The following SLC16A7 variants were observed in gnomAD, a reference collection of about 807,000 sequenced individuals.
SLC16A7 encodes solute carrier family 16 member 7.
Under a neutral mutation model 34.9 loss-of-function variants are expected in SLC16A7, and 33 were observed. The ratio of observed to expected loss-of-function variants is 0.94; its 90% CI spans 0.72 to 1.26. SLC16A7 has a LOEUF of 1.26. Ranked by LOEUF, SLC16A7 falls within the 50% of genes most tolerant of loss-of-function variation. SLC16A7 has a pLI of 0.00. For synonymous variants in SLC16A7, 201 were observed against 206.6 expected, an observed-to-expected ratio of 0.97 and a Z score of 0.23; for missense variants, 573 against 578.1, an observed-to-expected ratio of 0.99 and a Z score of 0.09.
chr12:59,775,527 T>G (rs1457493419), intron 5 of SLC16A7, 52 bp downstream of exon 5: 1 of 1,320,432 alleles, frequency 7.6e-7, no homozygotes, highest in African/African-American at 1.5e-5. Context: ...TAATATCCAT[T>G]AACGGAGACT....
intron 2 of SLC16A7, among the ~76,000 whole-genome samples, chr12:59,704,228 A>G (rs1873268562): frequency 6.6e-6 from 1 of 150,988 alleles, no homozygotes; most frequent in Non-Finnish European, 1.5e-5. Flanking sequence ...AGAAAAAGAA[A>G]AAAAAAAGAA....
chr12:59,717,242 A>G lies in SLC16A7; in HGVS notation c.217+12224A>G, dbSNP rs1449346308. 2.0e-5 allele frequency among the ~76,000 whole-genome samples: 3 copies of G among 152,196 alleles called. No individual in the cohort carries two copies. In the East Asian group the frequency reaches 5.8e-4, roughly 29 times the overall value. On this transcript the variant is annotated intron_variant, in intron 3 of 5. Transcript: ENST00000547379. ...TTGTTATGTGGGACAAATTTTCCCC[A>G]CTTCCATCAGAAATATGCAAAGGGT...
chr12:59,668,856 G>A (rs1390196656), intron 2 of SLC16A7, among the ~76,000 whole-genome samples: 2 of 152,218 alleles, frequency 1.3e-5, no homozygotes, highest in Admixed American at 6.5e-5. Context: ...ATCATAGCGG[G>A]TATTCTTGTG....
In SLC16A7 at chr12:59,785,891, T is replaced by A. The variant is rs1327013011; in HGVS notation, c.*6212T>A. 2 of 150,208 alleles carry A rather than the reference T, an allele frequency of 1.3e-5. No individual in the cohort carries two copies. Among genetic ancestry groups the A allele is most frequent in the Admixed American group, 6.6e-5 (1 of 15,084 alleles). 9.3% of individuals were successfully genotyped at this position (150,208 alleles called of 1,614,324 possible). A position where few individuals can be genotyped will look rare whatever the true frequency, so the allele number is the denominator to read the frequency against. ...AATAGAATAAGTTCGTGTAGGGACATGGATGAAATTAGAAATCATCATTCT... is the reference window on the plus strand; with the variant it reads ...AATAGAATAAGTTCGTGTAGGGACAAGGATGAAATTAGAAATCATCATTCT... On this transcript the variant is annotated 3_prime_UTR_variant, in exon 6 of 6. Coordinates refer to ENST00000547379, the MANE Select transcript of SLC16A7 (RefSeq NM_001270623.2).
chr12:59,651,032 C>T (rs113496340), intron 1 of SLC16A7, among the ~76,000 whole-genome samples: 3 of 152,096 alleles, frequency 2.0e-5, no homozygotes, highest in African/African-American at 7.2e-5. Flanking sequence ...TCAAAACCAC[C>T]CATGCTTCCC....
At chr12:59,720,215 T>G in intron 3 of SLC16A7, 1 of 605,520 alleles carries the variant, frequency 1.7e-6, no homozygotes, top group South Asian at 2.0e-5. Context: ...TGTTAATTGT[T>G]ACTTATGTAT....
intron 2 of SLC16A7, among the ~76,000 whole-genome samples, chr12:59,662,834 G>A (rs747034562): frequency 6.6e-6 from 1 of 152,160 alleles, no homozygotes; most frequent in South Asian, 2.1e-4. Context: ...TCCATAATTT[G>A]CTGCTTTAGG....
At chr12:59,628,080 C>T (rs889898972) in intron 1 of SLC16A7, among the ~76,000 whole-genome samples, 4 of 151,660 alleles carry the variant, frequency 2.6e-5, no homozygotes, top group Non-Finnish European at 5.9e-5. Flanking sequence ...CTGTTGTTGC[C>T]ACTACTTTAG....
At chr12:59,698,591 A>G (rs1872565658) in intron 2 of SLC16A7, among the ~76,000 whole-genome samples, 1 of 151,962 alleles carries the variant, frequency 6.6e-6, no homozygotes, top group South Asian at 2.1e-4. Flanking sequence ...TTGATATTTC[A>G]GTCAATAAAC....
At chr12:59,708,621 A>G (rs1873858895) in intron 3 of SLC16A7, among the ~76,000 whole-genome samples, 1 of 152,112 alleles carries the variant, frequency 6.6e-6, no homozygotes, top group African/African-American at 2.4e-5. Flanking sequence ...AGCCTAGAGA[A>G]CACCTAAGAT....
At chr12:59,621,718 T>C (rs1428748340) in intron 1 of SLC16A7, among the ~76,000 whole-genome samples, 5 of 151,800 alleles carry the variant, frequency 3.3e-5, no homozygotes. Flanking sequence ...TTATAAACAC[T>C]TCAAGGACTT....
intron 1 of SLC16A7, among the ~76,000 whole-genome samples, chr12:59,616,024 A>G (rs1879433059): frequency 1.3e-5 from 2 of 152,224 alleles, no homozygotes; most frequent in African/African-American, 4.8e-5. Flanking sequence ...GATAATAGTC[A>G]TGGGAACCTA....
At chr12:59,624,297 TTAA>T (rs1361423953) in intron 1 of SLC16A7, among the ~76,000 whole-genome samples, 1 of 151,754 alleles carries the variant, frequency 6.6e-6, no homozygotes, top group Non-Finnish European at 1.5e-5. Flanking sequence ...TTTTTTTCTT[TTAA>T]TAATAACTTA....
At chr12:59,724,821 G>T (rs1876041018) in intron 3 of SLC16A7, among the ~76,000 whole-genome samples, 1 of 151,866 alleles carries the variant, frequency 6.6e-6, no homozygotes, top group South Asian at 2.1e-4. Context: ...AAATTAGGAT[G>T]TATATGGAAT....
chr12:59,633,675 A>G (rs1376188017), intron 1 of SLC16A7, among the ~76,000 whole-genome samples: 1 of 151,988 alleles, frequency 6.6e-6, no homozygotes, highest in Non-Finnish European at 1.5e-5. Context: ...ATTGACTCAC[A>G]GTTTTGCATG....
At chr12:59,767,407 T>C (rs139126169) in intron 3 of SLC16A7, among the ~76,000 whole-genome samples, 17 of 152,136 alleles carry the variant, frequency 1.1e-4, no homozygotes, top group African/African-American at 3.4e-4. Context: ...CATTGGTAGA[T>C]AGCAGAAGCC....
chr12:59,757,755 C>A (rs1276037548), intron 3 of SLC16A7, among the ~76,000 whole-genome samples: 1 of 152,032 alleles, frequency 6.6e-6, no homozygotes, highest in Non-Finnish European at 1.5e-5. Flanking sequence ...TCCTCCTCAG[C>A]CTACTTAACG....
intron 1 of SLC16A7, among the ~76,000 whole-genome samples, chr12:59,608,888 A>G (rs982581426): frequency 1.3e-5 from 2 of 152,218 alleles, no homozygotes; most frequent in African/African-American, 2.4e-5. Flanking sequence ...GTCACCAACA[A>G]ATATTTTAAA....
intron 1 of SLC16A7, among the ~76,000 whole-genome samples, chr12:59,638,854 G>A (rs141866724): frequency 6.6e-6 from 1 of 152,216 alleles, no homozygotes; most frequent in African/African-American, 2.4e-5. Context: ...ACTGATTTGA[G>A]CCAGAATAGT....
Sources: gnomAD v4.1 joint callset for allele counts (sites outside exome capture counted in the v4.1 genomes callset) on GRCh38, gnomAD v4.1.1 for gene constraint, MANE v1.5 for transcripts, NCBI Gene and HGNC (gene_info 2026-07-23, HGNC 2026-07-21) for gene names.